The following SLCO3A1 variants were observed in gnomAD, a reference collection of about 807,000 sequenced individuals.
SLCO3A1 encodes the protein PGE1 transporter.
In SLCO3A1, 27 loss-of-function variants were observed where a neutral mutation model predicts 63.1. The ratio of observed to expected loss-of-function variants is 0.43; its 90% CI spans 0.32 to 0.59. SLCO3A1 has a LOEUF of 0.59. Among genes scored for constraint, SLCO3A1 ranks in the 20% least tolerant of loss-of-function variants. SLCO3A1 has a pLI of 0.09. For missense variants in SLCO3A1, 773 were observed against 945.8 expected (o/e 0.82, Z 2.40); for synonymous variants, 473 against 409.9 (o/e 1.15, Z -1.86).
chr15:92,077,988 G>GA (rs1171059378), intron 2 of SLCO3A1, among the ~76,000 whole-genome samples: 2 of 152,084 alleles, frequency 1.3e-5, no homozygotes, highest in Non-Finnish European at 2.9e-5. Flanking sequence ...AACTGATGGT[G>GA]AAGACACCTG....
At chr15:91,966,110 C>T (rs1277081674) in intron 2 of SLCO3A1, among the ~76,000 whole-genome samples, 3 of 152,138 alleles carry the variant, frequency 2.0e-5, no homozygotes, top group Non-Finnish European at 4.4e-5. Context: ...GAATTATGGG[C>T]AGCTCTGATC....
downstream of SLCO3A1, chr15:92,170,783 T>C (rs1254505912): frequency 1.3e-5 from 2 of 152,166 alleles, no homozygotes; most frequent in Non-Finnish European, 2.9e-5. Context: ...TTCAAAACAC[T>C]CCTCCTTCCT....
chr15:91,916,559 A>T lies in SLCO3A1; in HGVS notation c.646+101A>T. 1.2e-6 allele frequency: 1 copy of T among 861,432 alleles called. No homozygotes were observed. The highest frequency in any genetic ancestry group is 2.7e-5 in the East Asian group (1 of 36,728). The allele number at this position is 861,432 out of a possible 1,614,324, so 53.4% of individuals were successfully genotyped here. A position where few individuals can be genotyped will look rare whatever the true frequency, so the allele number is the denominator to read the frequency against. ...TGATTTTGCCAGAGTACTGGTTCTCAGACTTGGCTGCACACCTAGTGTTCT... is the reference window on the plus strand; with the variant it reads ...TGATTTTGCCAGAGTACTGGTTCTCTGACTTGGCTGCACACCTAGTGTTCT... On this transcript the variant is annotated intron_variant, in intron 2 of 9. Coordinates refer to ENST00000318445, the MANE Select transcript of SLCO3A1 (RefSeq NM_013272.4). The surrounding 1 kb of genome is among the most constrained non-coding windows in gnomAD (Gnocchi z 6.2).
intron 4 of SLCO3A1, among the ~76,000 whole-genome samples, chr15:92,115,387 A>G (rs1039164296): frequency 9.9e-5 from 15 of 152,178 alleles, no homozygotes; most frequent in Admixed American, 3.9e-4. Flanking sequence ...ACACAGATAC[A>G]TCTGCAGCAA....
chr15:92,120,884 G>A (rs1049659235), intron 5 of SLCO3A1, among the ~76,000 whole-genome samples: 1 of 152,178 alleles, frequency 6.6e-6, no homozygotes, highest in South Asian at 2.1e-4. Flanking sequence ...CCAGTAAGTC[G>A]ATAGATGGGT....
chr15:92,148,675 C>T (rs1046381962), intron 8 of SLCO3A1: 1 of 152,110 alleles, frequency 6.6e-6, no homozygotes, highest in Non-Finnish European at 1.5e-5. Flanking sequence ...TATTCAGACC[C>T]TTTTATTCAG....
intron 9 of SLCO3A1, 106 bp downstream of exon 9, chr15:92,151,120 T>C: frequency 1.2e-6 from 1 of 843,972 alleles, no homozygotes; most frequent in Non-Finnish European, 1.8e-6. Flanking sequence ...TCTTTTTTCT[T>C]TGCAGTTTAA....
chr15:92,014,874 G>A (rs2046408482), intron 2 of SLCO3A1, among the ~76,000 whole-genome samples: 1 of 152,250 alleles, frequency 6.6e-6, no homozygotes. Context: ...GAGGAGGAGG[G>A]TAAGGAGGAT....
At chr15:91,983,648 T>C (rs565349176) in intron 2 of SLCO3A1, among the ~76,000 whole-genome samples, 1 of 152,282 alleles carries the variant, frequency 6.6e-6, no homozygotes, top group East Asian at 1.9e-4. Context: ...TGTTTGGTTG[T>C]GGTGTGGGGA....
chr15:92,003,398 T>C (rs1410404607), intron 2 of SLCO3A1, among the ~76,000 whole-genome samples: 1 of 152,210 alleles, frequency 6.6e-6, no homozygotes. Context: ...GGAGTATACA[T>C]TCCTTTTGCT....
chr15:91,861,657 C>T (rs1236113515), intron 1 of SLCO3A1, among the ~76,000 whole-genome samples: 1 of 152,180 alleles, frequency 6.6e-6, no homozygotes, highest in Non-Finnish European at 1.5e-5. Context: ...TATTTTGAGA[C>T]AGGGTCTTGC....
chr15:91,946,167 G>C (rs1899798561), intron 2 of SLCO3A1, among the ~76,000 whole-genome samples: 1 of 152,196 alleles, frequency 6.6e-6, no homozygotes, highest in South Asian at 2.1e-4. Flanking sequence ...CTGAGAGCAG[G>C]CCTCTTGTAA....
intron 2 of SLCO3A1, among the ~76,000 whole-genome samples, chr15:92,053,275 A>T (rs1413669623): frequency 6.6e-6 from 1 of 152,080 alleles, no homozygotes; most frequent in Non-Finnish European, 1.5e-5. Context: ...GGCTTCTTGG[A>T]GCCCCCTTTT....
chr15:92,161,569 T>TTAAA (rs1274032638), intron 9 of SLCO3A1: 1 of 152,228 alleles, frequency 6.6e-6, no homozygotes, highest in Admixed American at 6.5e-5. Context: ...GCTGGGAATA[T>TTAAA]TAAATATCCA....
intron 2 of SLCO3A1, among the ~76,000 whole-genome samples, chr15:91,993,745 A>G (rs1477755646): frequency 6.6e-6 from 1 of 152,214 alleles, no homozygotes; most frequent in Admixed American, 6.5e-5. Context: ...GCTGACCTGT[A>G]TAACCAATAA....
intron 5 of SLCO3A1, among the ~76,000 whole-genome samples, chr15:92,125,770 C>A (rs2047913904): frequency 6.6e-6 from 1 of 151,742 alleles, no homozygotes; most frequent in African/African-American, 2.4e-5. Flanking sequence ...TCTTGGTAGT[C>A]CCCTCTTCAG....
At chr15:91,990,342 T>C (rs1334088080) in intron 2 of SLCO3A1, among the ~76,000 whole-genome samples, 1 of 152,138 alleles carries the variant, frequency 6.6e-6, no homozygotes, top group East Asian at 1.9e-4. Context: ...CCACTGTGGG[T>C]TCTAGCAAAG....
chr15:92,145,118 G>A (rs1221355776), intron 7 of SLCO3A1, among the ~76,000 whole-genome samples: 1 of 152,096 alleles, frequency 6.6e-6, no homozygotes, highest in Non-Finnish European at 1.5e-5. Context: ...TGGGAGCTCC[G>A]GGGAGAGAAA....
rs377265167 is a variant in SLCO3A1, at chr15:92,048,847, G to A, written c.647-46034G>A. Among the ~76,000 whole-genome samples, 221 of 152,316 alleles carry A rather than the reference G, an allele frequency of 1.5e-3. 1 individual carries two copies. Among genetic ancestry groups the A allele is most frequent in the African/African-American group, 5.1e-3 (210 of 41,576 alleles). On this transcript the variant is annotated intron_variant, in intron 2 of 9. Coordinates refer to ENST00000318445, the MANE Select transcript of SLCO3A1 (RefSeq NM_013272.4). ...CGGAAGGCGGAGGTTGCAGTGAGCC[G>A]AGATCACGCCATTGCACCACTGCTT... is the stretch of plus-strand genomic sequence containing the variant.
Sources: gnomAD v4.1 joint callset for allele counts (sites outside exome capture counted in the v4.1 genomes callset) on GRCh38, gnomAD v4.1.1 for gene constraint, Gnocchi (gnomAD v3.1) non-coding constraint, MANE v1.5 for transcripts, NCBI Gene and HGNC (gene_info 2026-07-23, HGNC 2026-07-21) for gene names.